Variants in KIAA1671 observed in about 807,000 individuals in gnomAD.
KIAA1671 encodes the protein KIAA1671.
In KIAA1671, 52 loss-of-function variants were observed where a neutral mutation model predicts 131.2. That is an observed-to-expected ratio of 0.40 (90% CI 0.32 to 0.50). The LOEUF is 0.50. KIAA1671 is among the 20% of genes least tolerant of loss of function. The pLI is 0.73. For missense variants in KIAA1671, 2,360 were observed against 2,364.2 expected, an observed-to-expected ratio of 1.00 and a Z score of 0.04; for synonymous variants, 1,003 against 961.6, an observed-to-expected ratio of 1.04 and a Z score of -0.80.
Position 25,039,487 on chromosome 22 carries a change from T to C in KIAA1671, c.2357T>C (p.Leu786Ser). The C allele has an allele frequency of 6.4e-7, 1 of 1,551,798 alleles. No homozygotes were observed. Among genetic ancestry groups the C allele is most frequent in the South Asian group, 1.2e-5 (1 of 84,068 alleles). ...ACCCCTGCTGACCTGGAGTGTGGTT[T>C]GGAAGGTCAGGCGGGGTCCGTCCAA... is the stretch of plus-strand genomic sequence containing the variant. ...EVTPADLECGLEGQAGSVQRA... is the reference protein window; with the variant it reads ...EVTPADLECGSEGQAGSVQRA... The change falls in exon 5 of 13, where the codon TTG becomes TCG. Residue 786 changes from leucine (L) to serine (S), a missense_variant. Physicochemically the swap from Leu to Ser is moderately radical, Grantham distance 145 (BLOSUM62 -2). This residue lies in a region of KIAA1671 where 1,185 missense variants were observed against 1,126.2 expected (regional missense o/e 1.05). Transcript: ENST00000358431.
At chr22:25,047,276 G>A (rs1430933425) in intron 5 of KIAA1671, among the ~76,000 whole-genome samples, 1 of 144,626 alleles carries the variant, frequency 6.9e-6, no homozygotes, top group South Asian at 2.2e-4. Flanking sequence ...TCAGCCTCCC[G>A]AGTTGCAAGG....
At position 25,028,506 on chromosome 22, in the gene KIAA1671, A is replaced by C. The variant is rs1364615414; in HGVS notation, c.507A>C (p.Leu169=). 1 of 1,549,476 alleles carries C rather than the reference A, an allele frequency of 6.5e-7. No individual in the cohort carries two copies. The highest frequency in any genetic ancestry group is 2.0e-5 in the Admixed American group (1 of 50,908). The change falls in exon 3 of 13, where the codon CTA becomes CTC. Residue 169 remains leucine, a synonymous_variant. Coordinates refer to ENST00000358431, the MANE Select transcript of KIAA1671 (RefSeq NM_001145206.2). ...AVSEGAEEAK[L]GVSGSRPEVA... Reference sequence around the variant, plus strand: ...GTGAGGGGGCGGAGGAGGCCAAGCTAGGTGTGTCCGGCTCCCGGCCTGAGG... The same window carrying C: ...GTGAGGGGGCGGAGGAGGCCAAGCTCGGTGTGTCCGGCTCCCGGCCTGAGG...
chr22:25,188,044 T>C (rs901185208), intron 11 of KIAA1671, among the ~76,000 whole-genome samples: 1 of 152,210 alleles, frequency 6.6e-6, no homozygotes, highest in East Asian at 1.9e-4. Context: ...CTCACACCTG[T>C]ACTCCCAGCA....
intron 10 of KIAA1671, 48 bp downstream of exon 10, chr22:25,181,871 C>A (rs1171784422): frequency 1.3e-6 from 2 of 1,539,878 alleles, no homozygotes; most frequent in Admixed American, 4.0e-5. Flanking sequence ...GATCCTCAAC[C>A]TTAGCAGTGT....
intron 6 of KIAA1671, among the ~76,000 whole-genome samples, chr22:25,075,914 T>G (rs1929081635): frequency 6.6e-6 from 1 of 152,018 alleles, no homozygotes; most frequent in Non-Finnish European, 1.5e-5. Context: ...TAGCTGGGAT[T>G]ACAGGCGCCT....
At chr22:25,066,649 A>G (rs1002959326) in intron 6 of KIAA1671, among the ~76,000 whole-genome samples, 1 of 152,184 alleles carries the variant, frequency 6.6e-6, no homozygotes, top group Non-Finnish European at 1.5e-5. Flanking sequence ...TAACCTCGAC[A>G]TCTGCAAAGA....
rs958511119 is a variant in KIAA1671 at position 25,040,049 on chromosome 22, G to A, written c.2919G>A (p.Gly973=). Residue 973 remains glycine, a synonymous_variant, in exon 5 of 13, where the codon GGG becomes GGA. Transcript: ENST00000358431. ...SLVPEDSPHV[G]HRRTDYVSPT... ...TCCCAGAGGACTCTCCACATGTGGGGCACAGACGAACAGATTATGTGAGCC... is the reference window on the plus strand; with the variant it reads ...TCCCAGAGGACTCTCCACATGTGGGACACAGACGAACAGATTATGTGAGCC... The A allele has an allele frequency of 1.3e-6, 2 of 1,551,708 alleles. No individual in the cohort carries two copies. The highest frequency in any genetic ancestry group is 8.7e-7 in the Non-Finnish European group (1 of 1,147,016).
rs527649873 is a variant in KIAA1671 at position 25,122,260 on chromosome 22, C to T, written c.4531-48560C>T. 2.6e-5 allele frequency among the ~76,000 whole-genome samples: 4 copies of T among 152,226 alleles called. No individual in the cohort carries two copies. In the South Asian group the frequency reaches 6.2e-4, roughly 24 times the overall value. On this transcript the variant is annotated intron_variant, in intron 6 of 12. Coordinates refer to ENST00000358431, the MANE Select transcript of KIAA1671 (RefSeq NM_001145206.2). ...GCAGAAGCAGCTTTCCAATCAGACA[C>T]GCTTACCAGTGTGACATGTCGGTTT... is the stretch of plus-strand genomic sequence containing the variant.
At chr22:25,138,562 T>C (rs1362733374) in intron 6 of KIAA1671, among the ~76,000 whole-genome samples, 2 of 152,204 alleles carry the variant, frequency 1.3e-5, no homozygotes, top group Non-Finnish European at 2.9e-5. Context: ...ACTCTGCTCT[T>C]GTTGCTTAGA....
chr22:25,165,361 C>T (rs1167204821), intron 6 of KIAA1671, among the ~76,000 whole-genome samples: 7 of 152,144 alleles, frequency 4.6e-5, no homozygotes, highest in Admixed American at 4.6e-4. Flanking sequence ...ATGTGGTGGT[C>T]TCTGGATTCA....
At chr22:25,005,993 C>A (rs1924730047) in intron 1 of KIAA1671, among the ~76,000 whole-genome samples, 1 of 152,092 alleles carries the variant, frequency 6.6e-6, no homozygotes, top group African/African-American at 2.4e-5. Context: ...GAAATGACAC[C>A]TGTGCAGCTA....
At chr22:25,072,656 C>G (rs990663469) in intron 6 of KIAA1671, among the ~76,000 whole-genome samples, 2 of 152,126 alleles carry the variant, frequency 1.3e-5, no homozygotes, top group Admixed American at 1.3e-4. Flanking sequence ...GAGGAAGCCC[C>G]GTGGCCTTGG....
At chr22:25,024,948 A>G (rs1253913122) in intron 1 of KIAA1671, among the ~76,000 whole-genome samples, 2 of 151,974 alleles carry the variant, frequency 1.3e-5, no homozygotes, top group Non-Finnish European at 2.9e-5. Context: ...GGTTGAAGGG[A>G]GACAGAGATG....
At chr22:25,044,024 G>A (rs1927088984) in intron 5 of KIAA1671, among the ~76,000 whole-genome samples, 2 of 152,212 alleles carry the variant, frequency 1.3e-5, no homozygotes, top group African/African-American at 4.8e-5. Context: ...TAATGATCAT[G>A]CGGTGAGGAT....
intron 6 of KIAA1671, among the ~76,000 whole-genome samples, chr22:25,091,218 T>A (rs1930012145): frequency 2.6e-5 from 4 of 152,084 alleles, no homozygotes; most frequent in Admixed American, 2.6e-4. Flanking sequence ...CCACCATGTC[T>A]GGCTAATTTT....
At chr22:25,050,793 A>T (rs1927492924) in intron 6 of KIAA1671, 1 of 152,232 alleles carries the variant, frequency 6.6e-6, no homozygotes, top group South Asian at 2.1e-4. Flanking sequence ...CACACATTTG[A>T]AACCTGCCTG....
At chr22:25,158,702 T>C (rs1012341881) in intron 6 of KIAA1671, among the ~76,000 whole-genome samples, 1 of 152,132 alleles carries the variant, frequency 6.6e-6, no homozygotes, top group Non-Finnish European at 1.5e-5. Flanking sequence ...CCACCTGGGT[T>C]TGAATGGAGC....
At chr22:25,078,134 A>C (rs961288463) in intron 6 of KIAA1671, among the ~76,000 whole-genome samples, 7 of 152,196 alleles carry the variant, frequency 4.6e-5, no homozygotes, top group Non-Finnish European at 8.8e-5. Context: ...TAATTTGATG[A>C]CTACATGCAG....
At chr22:24,965,740 CAAAAAAAAAA>C (rs767916092) in intron 1 of KIAA1671, among the ~76,000 whole-genome samples, 1 of 45,898 alleles carries the variant, frequency 2.2e-5, no homozygotes, top group South Asian at 7.5e-4. Flanking sequence ...AACTCCATCT[CAAAAAAAAAA>C]AAAAAAAAAA....
Sources: allele counts gnomAD v4.1 joint callset (sites outside exome capture counted in the v4.1 genomes callset), GRCh38; gene constraint gnomAD v4.1.1; regional missense constraint gnomAD v4.1.1; transcripts MANE v1.5; gene names NCBI Gene and HGNC (gene_info 2026-07-23, HGNC 2026-07-21).